IL1RAP: variants seen among roughly 807,000 people sequenced by gnomAD.
IL1RAP encodes interleukin-1 receptor accessory protein.
IL1RAP carries 35 observed loss-of-function variants against 60.7 expected under a neutral mutation model. The observed-to-expected ratio is 0.58, with a 90% CI of 0.44 to 0.76. The LOEUF is 0.76. Ranked by LOEUF, IL1RAP falls within the 30% of genes least tolerant of loss-of-function variation. The pLI is 0.00. For synonymous variants in IL1RAP, 268 were observed against 250.9 expected, an observed-to-expected ratio of 1.07 and a Z score of -0.64; for missense variants, 572 against 693.9, an observed-to-expected ratio of 0.82 and a Z score of 1.97.
chr3:190,589,431 A>G (rs1442102467), intron 3 of IL1RAP, among the ~76,000 whole-genome samples: 1 of 152,152 alleles, frequency 6.6e-6, no homozygotes, highest in African/African-American at 2.4e-5. Flanking sequence ...CCAGCCATCA[A>G]GAAAAATCTA....
chr3:190,573,489 T>C (rs955093316), intron 3 of IL1RAP, among the ~76,000 whole-genome samples: 3 of 152,130 alleles, frequency 2.0e-5, no homozygotes, highest in African/African-American at 4.8e-5. Context: ...TAATTAGTAA[T>C]CGGAAGTGTT....
chr3:190,641,392 G>A (rs1384916038), intron 9 of IL1RAP, among the ~76,000 whole-genome samples: 1 of 152,234 alleles, frequency 6.6e-6, no homozygotes, highest in Non-Finnish European at 1.5e-5. Flanking sequence ...AGCCAGCACT[G>A]CTTTACCTGA....
Position 190,644,412 on chromosome 3 carries a change from T to A in IL1RAP, c.1201+15T>A. 6.3e-7 allele frequency: 1 copy of A among 1,597,842 alleles called. No homozygotes were observed. Among genetic ancestry groups the A allele is most frequent in the Non-Finnish European group, 8.6e-7 (1 of 1,165,458 alleles). ...AACCATTTTAGGTAAGTAACAGAAA[T>A]TTGACATAAACCTCTTCTACTGTCA... On this transcript the variant is annotated intron_variant, in intron 10 of 11. Transcript: ENST00000447382.
intron 3 of IL1RAP, among the ~76,000 whole-genome samples, chr3:190,580,699 G>T (rs1403461015): frequency 6.6e-6 from 1 of 152,136 alleles, no homozygotes; most frequent in African/African-American, 2.4e-5. Context: ...GTTACGCAAG[G>T]TAAGTCCTAG....
chr3:190,634,785 G>T (rs57617422), intron 9 of IL1RAP, among the ~76,000 whole-genome samples: 22,890 of 148,134 alleles, frequency 0.15, 2,368 homozygotes, highest in African/African-American at 0.29. Flanking sequence ...GCGCGATCTC[G>T]GCTCACTGCA....
intron 1 of IL1RAP, among the ~76,000 whole-genome samples, chr3:190,534,179 C>T (rs1389603380): frequency 3.3e-5 from 5 of 151,906 alleles, no homozygotes; most frequent in South Asian, 2.1e-4. Flanking sequence ...TGGGTCCTAC[C>T]GATCGGTGCT....
intron 3 of IL1RAP, among the ~76,000 whole-genome samples, chr3:190,582,416 A>T (rs6797147): frequency 0.35 from 53,247 of 150,858 alleles, 9,647 homozygotes; most frequent in East Asian, 0.52. Context: ...ACCTCCCGGG[A>T]TCAAGTAAGT....
chr3:190,623,771 A>G (rs181382447), intron 7 of IL1RAP, among the ~76,000 whole-genome samples: 2 of 152,332 alleles, frequency 1.3e-5, no homozygotes, highest in Admixed American at 6.5e-5. Flanking sequence ...CTGCTCCATT[A>G]TGAAAGGTCA....
chr3:190,596,226 G>C (rs921042384), intron 3 of IL1RAP, among the ~76,000 whole-genome samples: 1 of 152,146 alleles, frequency 6.6e-6, no homozygotes, highest in Non-Finnish European at 1.5e-5. Flanking sequence ...AGTGCTTTGC[G>C]CATAGCAGGT....
chr3:190,592,813 AGG>A (rs1400221553), intron 3 of IL1RAP, among the ~76,000 whole-genome samples: 1 of 152,208 alleles, frequency 6.6e-6, no homozygotes, highest in East Asian at 1.9e-4. Flanking sequence ...TTCATCCGTC[AGG>A]GTTCACTTTC....
intron 1 of IL1RAP, among the ~76,000 whole-genome samples, chr3:190,532,332 G>A (rs1206671811): frequency 2.7e-5 from 4 of 147,502 alleles, no homozygotes; most frequent in Non-Finnish European, 4.4e-5. Context: ...GCACCATCTC[G>A]GCTCACTGCA....
At position 190,650,350 on chromosome 3, in the gene IL1RAP, A is replaced by G; in HGVS notation, c.*1645A>G. On this transcript the variant is annotated 3_prime_UTR_variant, in exon 12 of 12. Transcript: ENST00000447382. Reference sequence around the variant, plus strand: ...TGCTGTGCACAGAGCTTCCATGGTCACTGCTAAGCAGTAGCCAGCCATCGG... The same window carrying G: ...TGCTGTGCACAGAGCTTCCATGGTCGCTGCTAAGCAGTAGCCAGCCATCGG... 7.1e-6 allele frequency: 7 copies of G among 985,410 alleles called. No individual in the cohort carries two copies. Among genetic ancestry groups the G allele is most frequent in the Non-Finnish European group, 8.4e-6 (7 of 829,902 alleles). The allele number at this position is 985,410 out of a possible 1,614,324, so 61.0% of individuals were successfully genotyped here.
chr3:190,573,115 G>A (rs1335668145), intron 3 of IL1RAP, among the ~76,000 whole-genome samples: 6 of 52,130 alleles, frequency 1.2e-4, no homozygotes, highest in South Asian at 4.8e-4. Context: ...CGCCCGCCTC[G>A]GCCTCCCAAA....
chr3:190,626,753 C>A (rs1045750384), intron 7 of IL1RAP, among the ~76,000 whole-genome samples: 1 of 149,720 alleles, frequency 6.7e-6, no homozygotes, highest in Non-Finnish European at 1.5e-5. Context: ...TCACTGCAAC[C>A]TCCACCTCCT....
At chr3:190,539,742 A>G (rs929104150) in intron 1 of IL1RAP, among the ~76,000 whole-genome samples, 141 of 151,622 alleles carry the variant, frequency 9.3e-4, no homozygotes, top group African/African-American at 3.2e-3. Context: ...ATAAAATAAA[A>G]TGAAGATAAA....
At chr3:190,557,444 G>A (rs2108609351) in intron 2 of IL1RAP, among the ~76,000 whole-genome samples, 1 of 152,318 alleles carries the variant, frequency 6.6e-6, no homozygotes, top group Non-Finnish European at 1.5e-5. Context: ...CTCTCAGAGT[G>A]CTGAGCACTT....
intron 4 of IL1RAP, among the ~76,000 whole-genome samples, chr3:190,608,267 T>A (rs1308282505): frequency 1.3e-5 from 2 of 152,178 alleles, no homozygotes; most frequent in African/African-American, 4.8e-5. Context: ...GTATAGTCTG[T>A]TACTCCTAGG....
At position 190,649,952 on chromosome 3, in the gene IL1RAP, G is replaced by A. The variant is rs560663675; in HGVS notation, c.*1247G>A. 9 of 769,620 alleles carry A rather than the reference G, an allele frequency of 1.2e-5. No individual in the cohort carries two copies. Among genetic ancestry groups the A allele is most frequent in the Middle Eastern group, 6.6e-4 (1 of 1,512 alleles). 47.7% of individuals were successfully genotyped at this position (769,620 alleles called of 1,614,324 possible). ...GTAGATTATACATATATATACACACGTGTATATGAGATATATATCTTATAT... is the reference window on the plus strand; with the variant it reads ...GTAGATTATACATATATATACACACATGTATATGAGATATATATCTTATAT... On this transcript the variant is annotated 3_prime_UTR_variant, in exon 12 of 12. Transcript: ENST00000447382.
chr3:190,535,082 T>C (rs1723330665), intron 1 of IL1RAP, among the ~76,000 whole-genome samples: 1 of 152,128 alleles, frequency 6.6e-6, no homozygotes, highest in African/African-American at 2.4e-5. Flanking sequence ...ATTTCCTGTA[T>C]TTGCCTAAGT....
Sources: allele counts gnomAD v4.1 joint callset (sites outside exome capture counted in the v4.1 genomes callset), GRCh38; gene constraint gnomAD v4.1.1; transcripts MANE v1.5; gene names NCBI Gene and HGNC (gene_info 2026-07-23, HGNC 2026-07-21).